FSTL5: variants seen among roughly 807,000 people sequenced by gnomAD.
FSTL5 encodes the protein follistatin like 5, also known as follistatin-related protein 5.
A neutral mutation model predicts 89.1 loss-of-function variants in FSTL5; 62 were observed. The observed-to-expected ratio is 0.70, with a 90% CI of 0.57 to 0.86. FSTL5 has a LOEUF of 0.86. FSTL5 is among the 40% of genes least tolerant of loss of function. The pLI is 0.00. For synonymous variants in FSTL5, 383 were observed against 346.2 expected, an observed-to-expected ratio of 1.11 and a Z score of -1.18; for missense variants, 1,057 against 1,001.6, an observed-to-expected ratio of 1.06 and a Z score of -0.75.
At chr4:161,684,991 C>T (rs1265252156) in intron 6 of FSTL5, among the ~76,000 whole-genome samples, 2 of 152,126 alleles carry the variant, frequency 1.3e-5, no homozygotes, top group Admixed American at 1.3e-4. Flanking sequence ...ACTCCAGCAT[C>T]ATTTGTTGAA....
intron 6 of FSTL5, among the ~76,000 whole-genome samples, chr4:161,733,218 A>G (rs1739677205): frequency 6.6e-6 from 1 of 151,788 alleles, no homozygotes; most frequent in Non-Finnish European, 1.5e-5. Flanking sequence ...TTGTCCTAAT[A>G]CAGTTTATAT....
At chr4:161,492,254 G>A (rs1363185367) in intron 12 of FSTL5, among the ~76,000 whole-genome samples, 1 of 152,054 alleles carries the variant, frequency 6.6e-6, no homozygotes. Context: ...CACAATGCTT[G>A]ACACAAAGCA....
At chr4:161,500,667 T>C (rs989401174) in intron 11 of FSTL5, among the ~76,000 whole-genome samples, 1 of 152,314 alleles carries the variant, frequency 6.6e-6, no homozygotes, top group East Asian at 1.9e-4. Context: ...ATAGAGGTCT[T>C]ACATATTAGT....
chr4:161,873,240 T>C (rs1732331998), intron 4 of FSTL5, among the ~76,000 whole-genome samples: 1 of 152,084 alleles, frequency 6.6e-6, no homozygotes, highest in Non-Finnish European at 1.5e-5. Context: ...ATGGCCTCTT[T>C]GGGAAAAGGA....
chr4:161,668,938 C>A (rs1736990154), intron 6 of FSTL5, among the ~76,000 whole-genome samples: 1 of 151,308 alleles, frequency 6.6e-6, no homozygotes, highest in South Asian at 2.1e-4. Context: ...ATGGTGAAAC[C>A]CCGTCTCTAC....
At chr4:161,706,884 G>T (rs1579037150) in intron 6 of FSTL5, among the ~76,000 whole-genome samples, 1 of 151,814 alleles carries the variant, frequency 6.6e-6, no homozygotes, top group East Asian at 1.9e-4. Flanking sequence ...TGTTGATTGG[G>T]ATCATTTCAT....
intron 3 of FSTL5, among the ~76,000 whole-genome samples, chr4:161,969,000 G>T (rs1735406828): frequency 6.8e-6 from 1 of 147,266 alleles, no homozygotes; most frequent in Non-Finnish European, 1.5e-5. Flanking sequence ...CATGCCCAAG[G>T]CCTTGTCCCT....
chr4:161,394,924 C>T (rs1385344121), intron 15 of FSTL5, among the ~76,000 whole-genome samples: 1 of 152,046 alleles, frequency 6.6e-6, no homozygotes, highest in Non-Finnish European at 1.5e-5. Context: ...CTATGTTTTC[C>T]TTGAGCTATT....
chr4:161,582,867 T>C (rs2126601704), intron 8 of FSTL5, among the ~76,000 whole-genome samples: 1 of 152,222 alleles, frequency 6.6e-6, no homozygotes, highest in African/African-American at 2.4e-5. Context: ...AAGTTATCAC[T>C]GGTGCTTTCA....
chr4:161,673,899 A>C (rs1052776056), intron 6 of FSTL5, among the ~76,000 whole-genome samples: 1 of 152,000 alleles, frequency 6.6e-6, no homozygotes, highest in Non-Finnish European at 1.5e-5. Context: ...ATATAAATTC[A>C]AAAAATGTCA....
rs913729430 is a variant in FSTL5, at chr4:161,924,958, C to A, written c.161-4306G>T. On this transcript the variant is annotated intron_variant, in intron 3 of 15. Coordinates refer to ENST00000306100, the MANE Select transcript of FSTL5 (RefSeq NM_020116.5). ...GTTCACAATTATTGGTTAAAAAGAA[C>A]AACAGATTTTGGTCATAGAACAGAA... Among the ~76,000 whole-genome samples, 175 of 151,900 alleles carry A rather than the reference C, an allele frequency of 1.2e-3. 2 individuals carry two copies. The highest frequency in any genetic ancestry group is 3.7e-3 in the African/African-American group (154 of 41,492).
At chr4:161,640,533 A>C (rs1452963647) in intron 7 of FSTL5, among the ~76,000 whole-genome samples, 1 of 152,198 alleles carries the variant, frequency 6.6e-6, no homozygotes. Flanking sequence ...AAAGTTCACT[A>C]GTGGGATTCA....
At chr4:161,858,539 C>T (rs954164473) in intron 4 of FSTL5, among the ~76,000 whole-genome samples, 1 of 152,146 alleles carries the variant, frequency 6.6e-6, no homozygotes, top group Non-Finnish European at 1.5e-5. Context: ...CCTACATTCC[C>T]ATAAAATACA....
chr4:161,647,205 T>C (rs1015511948), intron 7 of FSTL5, among the ~76,000 whole-genome samples: 1 of 152,192 alleles, frequency 6.6e-6, no homozygotes, highest in African/African-American at 2.4e-5. Context: ...TCCAACCTGA[T>C]ACTTTTGCAT....
At chr4:162,119,064 A>G (rs906524705) in intron 1 of FSTL5, among the ~76,000 whole-genome samples, 2 of 152,144 alleles carry the variant, frequency 1.3e-5, no homozygotes, top group African/African-American at 4.8e-5. Flanking sequence ...TCTAAAAAAT[A>G]TATTAAAATT....
intron 13 of FSTL5, among the ~76,000 whole-genome samples, chr4:161,476,197 G>T (rs7439298): frequency 0.98 from 104,481 of 107,150 alleles, 50,978 homozygotes; most frequent in Non-Finnish European, 0.99. Context: ...TTGTTTGTTT[G>T]TTTTTTTGAG....
intron 7 of FSTL5, among the ~76,000 whole-genome samples, chr4:161,647,223 T>C (rs185592445): frequency 6.6e-6 from 1 of 152,278 alleles, no homozygotes. Context: ...CATGTGAATA[T>C]CCAGTCCTCT....
chr4:161,870,730 G>C (rs558034208), intron 4 of FSTL5, among the ~76,000 whole-genome samples: 1 of 152,100 alleles, frequency 6.6e-6, no homozygotes. Context: ...AGTAAGCTAA[G>C]TGTTGGATGC....
intron 4 of FSTL5, among the ~76,000 whole-genome samples, chr4:161,865,023 G>A (rs771733281): frequency 3.9e-5 from 6 of 151,998 alleles, no homozygotes; most frequent in South Asian, 2.1e-4. Context: ...TCAGAGATAC[G>A]CAGAGTTACA....
Sources: allele counts gnomAD v4.1 joint callset (sites outside exome capture counted in the v4.1 genomes callset), GRCh38; gene constraint gnomAD v4.1.1; transcripts MANE v1.5; gene names NCBI Gene and HGNC (gene_info 2026-07-23, HGNC 2026-07-21).